Variants in ARL15 observed in about 807,000 individuals in gnomAD.
The protein encoded by ARL15 is ADP-ribosylation factor-like protein 15.
In ARL15, 19 loss-of-function variants were observed where a neutral mutation model predicts 25.2. The observed-to-expected ratio is 0.75, with a 90% CI of 0.53 to 1.10. The LOEUF is 1.10. ARL15 is among the 50% of genes least tolerant of loss of function. The pLI, the probability that ARL15 is intolerant of heterozygous loss-of-function variation, is 0.00. For missense variants in ARL15, 220 were observed against 246.0 expected (o/e 0.89, Z 0.71); for synonymous variants, 94 against 86.8 (o/e 1.08, Z -0.46).
intron 4 of ARL15, among the ~76,000 whole-genome samples, chr5:54,034,851 CG>C (rs1026017060): frequency 3.3e-5 from 5 of 149,958 alleles, no homozygotes; most frequent in African/African-American, 9.9e-5. Flanking sequence ...TTTTTAGAGA[CG>C]GGGGGCGGTC....
At chr5:54,238,303 C>T (rs1756863638) in intron 1 of ARL15, among the ~76,000 whole-genome samples, 1 of 152,184 alleles carries the variant, frequency 6.6e-6, no homozygotes, top group African/African-American at 2.4e-5. Flanking sequence ...CCCAGCACTG[C>T]TAGCTCCAGC....
intron 4 of ARL15, among the ~76,000 whole-genome samples, chr5:54,016,876 T>G (rs745435673): frequency 4.6e-5 from 7 of 152,254 alleles, no homozygotes; most frequent in African/African-American, 9.6e-5. Flanking sequence ...TACTGTCATC[T>G]ATTTCCCTCC....
intron 3 of ARL15, among the ~76,000 whole-genome samples, chr5:54,142,102 T>G (rs899779454): frequency 1.3e-5 from 2 of 152,334 alleles, no homozygotes; most frequent in South Asian, 4.1e-4. Context: ...TACATTTACC[T>G]TTTTCAGAGA....
At chr5:54,174,513 A>G in intron 1 of ARL15, among the ~76,000 whole-genome samples, 1 of 152,088 alleles carries the variant, frequency 6.6e-6, no homozygotes, top group Non-Finnish European at 1.5e-5. Flanking sequence ...GGGTTTATTC[A>G]TGCTAATTGT....
chr5:54,198,461 A>T (rs1755620009), intron 1 of ARL15, among the ~76,000 whole-genome samples: 1 of 150,576 alleles, frequency 6.6e-6, no homozygotes, highest in Admixed American at 6.6e-5. Flanking sequence ...CAGGATACAA[A>T]ATCAATGTAC....
intron 3 of ARL15, among the ~76,000 whole-genome samples, chr5:54,113,704 G>C (rs1427452763): frequency 6.6e-6 from 1 of 152,120 alleles, no homozygotes; most frequent in African/African-American, 2.4e-5. Flanking sequence ...ATACTTCCTA[G>C]ACTTAAACTC....
intron 1 of ARL15, among the ~76,000 whole-genome samples, chr5:54,179,269 G>A (rs987150999): frequency 2.6e-5 from 4 of 152,132 alleles, no homozygotes; most frequent in African/African-American, 7.2e-5. Context: ...GCTGGGGTTC[G>A]AGCCAGGGTT....
intron 4 of ARL15, among the ~76,000 whole-genome samples, chr5:54,085,368 A>T (rs1751933042): frequency 1.3e-5 from 2 of 152,216 alleles, no homozygotes; most frequent in African/African-American, 4.8e-5. Context: ...AGTTTACAGC[A>T]AAGCAATTTG....
intron 1 of ARL15, among the ~76,000 whole-genome samples, chr5:54,215,902 T>C (rs1228115434): frequency 6.6e-6 from 1 of 152,168 alleles, no homozygotes; most frequent in East Asian, 1.9e-4. Context: ...ATTTTCAATA[T>C]TGCATACAAT....
intron 1 of ARL15, among the ~76,000 whole-genome samples, chr5:54,174,870 A>G (rs952628031): frequency 2.0e-5 from 3 of 152,344 alleles, no homozygotes; most frequent in Admixed American, 6.5e-5. Flanking sequence ...TCCACATTCA[A>G]TTAGGACAGA....
chr5:54,157,141 C>A (rs1754259983), intron 2 of ARL15, among the ~76,000 whole-genome samples: 1 of 152,218 alleles, frequency 6.6e-6, no homozygotes, highest in Non-Finnish European at 1.5e-5. Flanking sequence ...CAGGCCTCAA[C>A]TTTGAAAAGG....
intron 4 of ARL15, among the ~76,000 whole-genome samples, chr5:53,979,551 A>G (rs1215224181): frequency 6.6e-6 from 1 of 152,078 alleles, no homozygotes; most frequent in Admixed American, 6.5e-5. Context: ...AAACAAAACC[A>G]AAACCTAAAC....
chr5:54,040,337 C>T (rs1401447311), intron 4 of ARL15, among the ~76,000 whole-genome samples: 2 of 152,166 alleles, frequency 1.3e-5, no homozygotes, highest in South Asian at 2.1e-4. Context: ...ACCTAAAGTT[C>T]CAGTGGGAAG....
chr5:54,281,087 A>G (rs1758050130), intron 1 of ARL15, among the ~76,000 whole-genome samples: 1 of 152,336 alleles, frequency 6.6e-6, no homozygotes, highest in African/African-American at 2.4e-5. Flanking sequence ...AAAGAATAAC[A>G]TAAAAAAACA....
chr5:54,297,740 A>G (rs74907127), intron 1 of ARL15, among the ~76,000 whole-genome samples: 2,825 of 152,140 alleles, frequency 0.019, 98 homozygotes, highest in African/African-American at 0.065. Flanking sequence ...TCCATACAAC[A>G]TTTATGGTTC....
chr5:54,261,669 T>C (rs1303765966), intron 1 of ARL15, among the ~76,000 whole-genome samples: 1 of 152,148 alleles, frequency 6.6e-6, no homozygotes, highest in Non-Finnish European at 1.5e-5. Flanking sequence ...TTTATATTCA[T>C]ACAGCAGAAA....
intron 1 of ARL15, among the ~76,000 whole-genome samples, chr5:54,182,560 T>C: frequency 6.7e-6 from 1 of 148,522 alleles, no homozygotes; most frequent in African/African-American, 2.5e-5. Context: ...AGCCTTGTAG[T>C]ATAGTTTGAA....
chr5:54,259,276 A>G (rs1757439582), intron 1 of ARL15, among the ~76,000 whole-genome samples: 1 of 152,166 alleles, frequency 6.6e-6, no homozygotes, highest in African/African-American at 2.4e-5. Flanking sequence ...TGATATATGC[A>G]CACACATATA....
intron 3 of ARL15, among the ~76,000 whole-genome samples, chr5:54,138,090 A>G (rs193261804): frequency 6.6e-6 from 1 of 152,308 alleles, no homozygotes; most frequent in East Asian, 1.9e-4. Context: ...TTCTTTTGTA[A>G]TGCTACAAAT....
Sources: allele counts gnomAD v4.1 joint callset (sites outside exome capture counted in the v4.1 genomes callset), GRCh38; gene constraint gnomAD v4.1.1; transcripts MANE v1.5; gene names NCBI Gene and HGNC (gene_info 2026-07-23, HGNC 2026-07-21).